The following E2F7 variants were observed in gnomAD, a reference collection of about 807,000 sequenced individuals.
E2F7 encodes E2F transcription factor 7.
In E2F7, 35 loss-of-function variants were observed where a neutral mutation model predicts 81.1. The ratio of observed to expected loss-of-function variants is 0.43; its 90% confidence interval spans 0.33 to 0.57. E2F7 has a LOEUF of 0.57. Ranked by LOEUF, E2F7 falls within the 20% of genes least tolerant of loss-of-function variation. E2F7 has a pLI of 0.04. For missense variants in E2F7, 961 were observed against 1,093.7 expected (o/e 0.88, Z 1.71); for synonymous variants, 416 against 416.2 (o/e 1.00, Z 0.01).
chr12:77,034,318 T>G (rs1318859920), intron 7 of E2F7, among the ~76,000 whole-genome samples: 1 of 152,166 alleles, frequency 6.6e-6, no homozygotes, highest in East Asian at 1.9e-4. Context: ...GAGCAAGATG[T>G]TCTTCAACCC....
intron 2 of E2F7, among the ~76,000 whole-genome samples, chr12:77,062,761 T>C (rs1351541863): frequency 2.0e-5 from 3 of 152,242 alleles, no homozygotes; most frequent in African/African-American, 7.2e-5. Context: ...TATGGATGTG[T>C]ATTTTTTCAA....
intron 6 of E2F7, chr12:77,044,411 T>G: frequency 1.7e-6 from 1 of 591,918 alleles, no homozygotes; most frequent in Non-Finnish European, 3.0e-6. Flanking sequence ...GTTCTGTTTT[T>G]CACTCTACTG....
At chr12:77,033,294 G>C (rs895162242) in intron 8 of E2F7, among the ~76,000 whole-genome samples, 172 bp from the exon 9 acceptor site, 24 of 152,058 alleles carry the variant, frequency 1.6e-4, no homozygotes, top group Non-Finnish European at 2.9e-4. Context: ...CATGAATTCA[G>C]GTCTCATTAA....
At chr12:77,034,600 G>C (rs996719414) in intron 7 of E2F7, among the ~76,000 whole-genome samples, 2 of 152,230 alleles carry the variant, frequency 1.3e-5, no homozygotes, top group African/African-American at 4.8e-5. Flanking sequence ...AAATGCTGCA[G>C]AACAGTGAGA....
chr12:77,040,675 G>T (rs1156630888), intron 7 of E2F7, among the ~76,000 whole-genome samples: 2 of 151,552 alleles, frequency 1.3e-5, no homozygotes, highest in Admixed American at 1.3e-4. Context: ...GTCAGTGGTT[G>T]TCTGGGGATG....
At chr12:77,063,082 C>T (rs1955090681) in intron 2 of E2F7, among the ~76,000 whole-genome samples, 1 of 152,126 alleles carries the variant, frequency 6.6e-6, no homozygotes, top group South Asian at 2.1e-4. Flanking sequence ...TGTGACTCAC[C>T]CCTTTGTCCA....
At chr12:77,042,479 T>TA (rs1954901706) in intron 7 of E2F7, among the ~76,000 whole-genome samples, 1 of 152,218 alleles carries the variant, frequency 6.6e-6, no homozygotes, top group African/African-American at 2.4e-5. Flanking sequence ...AGTCCCTGAT[T>TA]GCTCATATAT....
intron 3 of E2F7, among the ~76,000 whole-genome samples, chr12:77,051,501 G>T (rs540685080): frequency 1.1e-3 from 172 of 152,054 alleles, no homozygotes; most frequent in Non-Finnish European, 2.3e-3. Context: ...GTGGGGGCAG[G>T]GGGGAGGGAT....
At chr12:77,056,664 A>T (rs187629506) in intron 2 of E2F7, among the ~76,000 whole-genome samples, 123 of 152,192 alleles carry the variant, frequency 8.1e-4, no homozygotes, top group Middle Eastern at 3.4e-3. Flanking sequence ...ATCTCAAACT[A>T]CCCATGGTAA....
intron 9 of E2F7, 148 bp downstream of exon 9, chr12:77,032,900 AGT>A (rs2120646183): frequency 1.7e-6 from 1 of 593,618 alleles, no homozygotes; most frequent in African/African-American, 1.9e-5. Context: ...CTTCCTGCAC[AGT>A]GTAGGGCACA....
At position 77,037,650 on chromosome 12, in the gene E2F7, C is replaced by T. The variant is rs1300682256; in HGVS notation, c.1124-3608G>A. On this transcript the variant is annotated intron_variant, in intron 7 of 12. Coordinates refer to ENST00000322886, the MANE Select transcript of E2F7 (RefSeq NM_203394.3). ...CCCTAAAGGAACCATTAACATAACA[C>T]AACAAAGAATTATAGCCAAGAAACC... Among the ~76,000 whole-genome samples, 4 of 151,828 alleles carry T rather than the reference C, an allele frequency of 2.6e-5. No individual in the cohort carries two copies. The East Asian group carries it at 7.7e-4, about 29-fold the overall frequency.
chr12:77,025,412 G>C, intron 12 of E2F7, 146 bp downstream of exon 12: 1 of 800,792 alleles, frequency 1.2e-6, no homozygotes, highest in South Asian at 1.8e-5. Context: ...TTTATAAAAG[G>C]AGCAGATAAC....
In E2F7 at chr12:77,024,120, G is replaced by A. The variant is rs761895156; in HGVS notation, c.2631C>T (p.Pro877=). The A allele has an allele frequency of 1.9e-6, 3 of 1,613,958 alleles. No individual in the cohort carries two copies. Among genetic ancestry groups the A allele is most frequent in the Non-Finnish European group, 2.5e-6 (3 of 1,179,982 alleles). ...TCAGGACAGGGTCTCCAAGGCTGCC[G>A]GGTGTCTTGAAAAACGTCTCACGAT... ...RTHRETFFKT[P]GSLGDPVLKR... The change falls in exon 13 of 13, where the codon CCC becomes CCT. Residue 877 remains proline, a synonymous_variant. Transcript: ENST00000322886.
intron 1 of E2F7, among the ~76,000 whole-genome samples, chr12:77,065,070 T>C (rs1592570260): frequency 6.6e-6 from 1 of 152,190 alleles, no homozygotes; most frequent in African/African-American, 2.4e-5. Context: ...CACTCAGCGC[T>C]GAGCGCAGCC....
Position 77,050,731 on chromosome 12 carries a change from CCAA to C in E2F7, c.380_382del (p.Val127del), listed in dbSNP as rs1251167461. On this transcript the variant is annotated inframe_deletion, in exon 4 of 13. Transcript: ENST00000322886. ...TTCAAATTCGTCCACAGCACTGTCC[CCAA>C]CAACATCAAGCTACAGAGGGCAGAT... 7 of 1,613,172 alleles carry C rather than the reference CCAA, an allele frequency of 4.3e-6. No homozygotes were observed. The highest frequency in any genetic ancestry group is 1.7e-5 in the Admixed American group (1 of 59,906).
intron 3 of E2F7, among the ~76,000 whole-genome samples, chr12:77,051,215 G>A (rs765409645): frequency 1.3e-5 from 2 of 152,164 alleles, no homozygotes; most frequent in Non-Finnish European, 2.9e-5. Flanking sequence ...ACCAAAGGTT[G>A]ATGAAAGTGA....
intron 7 of E2F7, among the ~76,000 whole-genome samples, chr12:77,038,472 C>T (rs1411869121): frequency 2.6e-5 from 4 of 151,792 alleles, no homozygotes; most frequent in Non-Finnish European, 4.4e-5. Context: ...GTGGAAAATC[C>T]CAGAATATTT....
chr12:77,065,030 G>C (rs1666895082), intron 1 of E2F7, among the ~76,000 whole-genome samples: 1 of 152,178 alleles, frequency 6.6e-6, no homozygotes, highest in Non-Finnish European at 1.5e-5. Flanking sequence ...TTTGAATCGG[G>C]GGAAGGAAAC....
chr12:77,044,661 C>T lies in E2F7; in HGVS notation c.964G>A (p.Ala322Thr), dbSNP rs1426415986. The change falls in exon 6 of 13, where the codon GCC (alanine) becomes ACC (threonine). Residue 322 changes from alanine to threonine, a missense_variant. By Grantham distance (58) the Ala-to-Thr change is moderately conservative (BLOSUM62 0). Around this residue, in one of 3 missense-constraint regions of E2F7, gnomAD observed 301 missense variants for 405.0 expected, o/e 0.74. Transcript: ENST00000322886. ...CTTTTAAATTTACTATGGTCTGGGGCATCTTGGCTTTCTTCTATCAGTATT... is the reference window on the plus strand; with the variant it reads ...CTTTTAAATTTACTATGGTCTGGGGTATCTTGGCTTTCTTCTATCAGTATT... The part of the protein sequence containing the change: ...AKILIEESQD[A>T]PDHSKFKTKV... The T allele has an allele frequency of 3.7e-6, 6 of 1,614,116 alleles. No homozygotes were observed. Among genetic ancestry groups the T allele is most frequent in the Non-Finnish European group, 3.4e-6 (4 of 1,180,004 alleles).
Sources: gnomAD v4.1 joint callset for allele counts (sites outside exome capture counted in the v4.1 genomes callset) on GRCh38, gnomAD v4.1.1 for gene constraint, gnomAD v4.1.1 regional missense constraint, MANE v1.5 for transcripts, NCBI Gene and HGNC (gene_info 2026-07-23, HGNC 2026-07-21) for gene names.